Variants in RCAN2 observed in about 807,000 individuals in gnomAD.
RCAN2 encodes calcipressin-2.
Under a neutral mutation model 23.6 loss-of-function variants are expected in RCAN2, and 9 were observed. The observed-to-expected ratio is 0.38, with a 90% CI of 0.23 to 0.67. The LOEUF is 0.67. RCAN2 is among the 30% of genes least tolerant of loss of function. RCAN2 has a pLI of 0.51. For missense variants in RCAN2, 273 were observed against 302.3 expected (o/e 0.90, Z 0.72); for synonymous variants, 109 against 115.7 (o/e 0.94, Z 0.37).
At chr6:46,465,686 C>T (rs187802012) in intron 1 of RCAN2, among the ~76,000 whole-genome samples, 49 of 152,266 alleles carry the variant, frequency 3.2e-4, no homozygotes, top group Admixed American at 2.0e-3. Context: ...CCTGCTGGTA[C>T]CTCCCATTGG....
chr6:46,346,486 A>G (rs933790050), intron 2 of RCAN2, among the ~76,000 whole-genome samples: 2 of 152,206 alleles, frequency 1.3e-5, no homozygotes, highest in Non-Finnish European at 2.9e-5. Flanking sequence ...ATGTGCAAGA[A>G]TGATAATAGC....
chr6:46,247,028 G>A, intron 3 of RCAN2, 109 bp from the exon 4 acceptor site: 3 of 850,376 alleles, frequency 3.5e-6, no homozygotes, highest in South Asian at 1.9e-5. Context: ...ATGAACCGAT[G>A]AACCCGACCG....
At chr6:46,237,270 T>G (rs556002906) in intron 4 of RCAN2, among the ~76,000 whole-genome samples, 1 of 152,370 alleles carries the variant, frequency 6.6e-6, no homozygotes, top group Non-Finnish European at 1.5e-5. Flanking sequence ...ATTCTAGGCA[T>G]GGTCTCTTTG....
intron 2 of RCAN2, among the ~76,000 whole-genome samples, chr6:46,386,016 C>T (rs1314891891): frequency 6.6e-6 from 1 of 151,884 alleles, no homozygotes; most frequent in Non-Finnish European, 1.5e-5. Context: ...CAAAAATTGA[C>T]AAATGGGATC....
chr6:46,460,856 T>C (rs1394873446), intron 1 of RCAN2, among the ~76,000 whole-genome samples: 1 of 152,236 alleles, frequency 6.6e-6, no homozygotes, highest in African/African-American at 2.4e-5. Context: ...ACTAATGATA[T>C]ACTATTTCAA....
intron 2 of RCAN2, among the ~76,000 whole-genome samples, chr6:46,341,551 C>A (rs1208099158): frequency 6.6e-6 from 1 of 152,144 alleles, no homozygotes; most frequent in Admixed American, 6.5e-5. Flanking sequence ...GTAATCCCAC[C>A]ACTTTGGGAG....
chr6:46,324,157 T>C (rs1371209581), intron 2 of RCAN2, among the ~76,000 whole-genome samples: 1 of 152,224 alleles, frequency 6.6e-6, no homozygotes, highest in Non-Finnish European at 1.5e-5. Context: ...CATGTTTCCA[T>C]TCTCAATGCA....
At chr6:46,476,387 T>C (rs906627991) in intron 1 of RCAN2, among the ~76,000 whole-genome samples, 2 of 152,188 alleles carry the variant, frequency 1.3e-5, no homozygotes, top group African/African-American at 4.8e-5. Flanking sequence ...TGAATATTAA[T>C]AACATAATTA....
chr6:46,256,645 T>C (rs1028414841), intron 2 of RCAN2, among the ~76,000 whole-genome samples: 1 of 152,220 alleles, frequency 6.6e-6, no homozygotes, highest in African/African-American at 2.4e-5. Context: ...TTACTGTGGT[T>C]TTCCTTAAAT....
chr6:46,251,005 T>C (rs1317546120), intron 2 of RCAN2, among the ~76,000 whole-genome samples: 1 of 152,196 alleles, frequency 6.6e-6, no homozygotes, highest in Non-Finnish European at 1.5e-5. Flanking sequence ...CTCTTCTCTT[T>C]TATACCAGTC....
intron 4 of RCAN2, among the ~76,000 whole-genome samples, chr6:46,234,399 A>G (rs551276329): frequency 6.6e-6 from 1 of 152,204 alleles, no homozygotes; most frequent in East Asian, 1.9e-4. Flanking sequence ...TATTTCCTCT[A>G]CCACAAGGGC....
intron 4 of RCAN2, among the ~76,000 whole-genome samples, chr6:46,238,606 T>G (rs902489174): frequency 3.9e-5 from 6 of 152,142 alleles, no homozygotes; most frequent in Non-Finnish European, 7.3e-5. Flanking sequence ...TAGGCTGGAG[T>G]CCAGGGGCAG....
intron 4 of RCAN2, among the ~76,000 whole-genome samples, chr6:46,223,570 T>C (rs968232712): frequency 2.0e-5 from 3 of 152,224 alleles, no homozygotes; most frequent in Non-Finnish European, 4.4e-5. Context: ...AACATGGTAA[T>C]ACTTCCACTC....
chr6:46,325,997 C>T (rs1392630715), intron 2 of RCAN2: 11 of 529,534 alleles, frequency 2.1e-5, no homozygotes, highest in East Asian at 1.5e-4. Context: ...TTTCTGCCTT[C>T]GAGATGAGCA....
chr6:46,429,699 C>T (rs141308792), intron 2 of RCAN2, among the ~76,000 whole-genome samples: 1 of 152,004 alleles, frequency 6.6e-6, no homozygotes, highest in African/African-American at 2.4e-5. Flanking sequence ...ACGTTCTTGC[C>T]CTTATGGACC....
chr6:46,272,679 CTT>C (rs1767559727), intron 2 of RCAN2, among the ~76,000 whole-genome samples: 2 of 152,170 alleles, frequency 1.3e-5, no homozygotes, highest in African/African-American at 4.8e-5. Flanking sequence ...TGGTCATACT[CTT>C]TAATTTTTCT....
chr6:46,232,786 G>A (rs1430114131), intron 4 of RCAN2, among the ~76,000 whole-genome samples: 6 of 74,894 alleles, frequency 8.0e-5, no homozygotes, highest in Admixed American at 2.3e-4. Context: ...CAGCAAGACT[G>A]TCTCAAAAAA....
At chr6:46,263,505 G>A (rs1040467407) in intron 2 of RCAN2, among the ~76,000 whole-genome samples, 106 of 110,816 alleles carry the variant, frequency 9.6e-4, no homozygotes, top group African/African-American at 2.2e-3. Context: ...ATGTGTGTAT[G>A]TGTGTGTATG....
At chr6:46,388,545 A>C (rs981724310) in intron 2 of RCAN2, among the ~76,000 whole-genome samples, 2 of 152,178 alleles carry the variant, frequency 1.3e-5, no homozygotes, top group African/African-American at 2.4e-5. Flanking sequence ...CATGCAATCA[A>C]CCTTAATGTC....
Sources: allele counts gnomAD v4.1 joint callset (sites outside exome capture counted in the v4.1 genomes callset), GRCh38; gene constraint gnomAD v4.1.1; transcripts MANE v1.5; gene names NCBI Gene and HGNC (gene_info 2026-07-23, HGNC 2026-07-21).